The following ABCE1 variants were observed in gnomAD, a reference collection of about 807,000 sequenced individuals.
ABCE1 encodes the protein ATP binding cassette subfamily E member 1, also known as ATP-binding cassette sub-family E member 1.
ABCE1 carries 22 observed loss-of-function variants against 83.4 expected under a neutral mutation model. The ratio of observed to expected loss-of-function variants is 0.26; its 90% CI spans 0.19 to 0.38. The LOEUF (loss-of-function observed/expected upper bound fraction) is 0.38, where lower values mean the gene tolerates loss of function less well. Ranked by LOEUF, ABCE1 falls within the 10% of genes least tolerant of loss-of-function variation. The pLI is 1.00. For missense variants in ABCE1, 330 were observed against 721.9 expected (o/e 0.46, Z 6.22); for synonymous variants, 204 against 233.7 (o/e 0.87, Z 1.16).
rs192725370 is a variant in ABCE1, at chr4:145,128,147, T to A, written c.*574T>A. On this transcript the variant is annotated 3_prime_UTR_variant, in exon 18 of 18. Transcript: ENST00000296577. ...CCACTGTTGGAAAAATAGGTATTTTTAAATTGTTTTTAATCTTTTTTGGTG... is the reference window on the plus strand; with the variant it reads ...CCACTGTTGGAAAAATAGGTATTTTAAAATTGTTTTTAATCTTTTTTGGTG... The A allele has an allele frequency of 1.1e-3, 175 of 152,760 alleles. 1 individual carries two copies. The highest frequency in any genetic ancestry group is 1.0e-3 in the Non-Finnish European group (70 of 68,026). 9.5% of individuals were successfully genotyped at this position (152,760 alleles called of 1,614,324 possible).
At chr4:145,117,159 T>C in intron 9 of ABCE1, 134 bp from the exon 10 acceptor site, 1 of 701,666 alleles carries the variant, frequency 1.4e-6, no homozygotes, top group Non-Finnish European at 2.1e-6. Flanking sequence ...TGAGCCTTAC[T>C]AAAAATGTTT....
In ABCE1 at chr4:145,105,496, G is replaced by A. The variant is rs1010732705; in HGVS notation, c.104-109G>A. 8.4e-6 allele frequency: 6 copies of A among 710,254 alleles called. No homozygotes were observed. The South Asian group carries it at 1.2e-4, about 14-fold the overall frequency. 44.0% of individuals were successfully genotyped at this position (710,254 alleles called of 1,614,324 possible). On this transcript the variant is annotated intron_variant, in intron 2 of 17. Transcript: ENST00000296577. ...ATTTCTTTGTGTGGCCTTTGTTTTT[G>A]AAAATCTGCTTCTGTATGGAAATTT...
chr4:145,110,751 T>C (rs2126704781), intron 7 of ABCE1: 1 of 540,762 alleles, frequency 1.8e-6, no homozygotes, highest in Non-Finnish European at 3.2e-6. Flanking sequence ...CGTGAGCCAC[T>C]GCGCCCGGCC....
intron 7 of ABCE1, 157 bp from the exon 8 acceptor site, chr4:145,110,811 A>C: frequency 1.7e-6 from 1 of 585,798 alleles, no homozygotes; most frequent in Non-Finnish European, 3.0e-6. Flanking sequence ...ATGAAAGTAC[A>C]CATCTTTATG....
chr4:145,112,340 T>A lies in ABCE1; in HGVS notation c.800+12T>A. Reference sequence around the variant, plus strand: ...ATAAATCCAGATAGGTAAGTAGAGATCTGGCATATTACTGTGTTGTTTTGT... The same window carrying A: ...ATAAATCCAGATAGGTAAGTAGAGAACTGGCATATTACTGTGTTGTTTTGT... On this transcript the variant is annotated intron_variant, in intron 9 of 17. Coordinates refer to ENST00000296577, the MANE Select transcript of ABCE1 (RefSeq NM_002940.3). The A allele has an allele frequency of 6.6e-7, 1 of 1,506,658 alleles. No homozygotes were observed. The highest frequency in any genetic ancestry group is 2.3e-5 in the East Asian group (1 of 44,260). 93.3% of individuals were successfully genotyped at this position (1,506,658 alleles called of 1,614,324 possible). A position where few individuals can be genotyped will look rare whatever the true frequency, so the allele number is the denominator to read the frequency against.
At chr4:145,108,156 A>G in intron 4 of ABCE1, 44 bp downstream of exon 4, 1 of 1,554,954 alleles carries the variant, frequency 6.4e-7, no homozygotes. Context: ...AGTTAAGAGT[A>G]AAATACATTT....
chr4:145,103,558 T>G (rs1230147505), intron 1 of ABCE1, among the ~76,000 whole-genome samples: 1 of 152,198 alleles, frequency 6.6e-6, no homozygotes, highest in African/African-American at 2.4e-5. Flanking sequence ...AGTTATTTGG[T>G]CTCCTTTTAA....
intron 7 of ABCE1, 30 bp from the exon 8 acceptor site, chr4:145,110,938 T>C (rs916075122): frequency 1.3e-6 from 2 of 1,482,874 alleles, no homozygotes; most frequent in Non-Finnish European, 1.9e-6. Flanking sequence ...GTGAAATACA[T>C]TGAGCACAAT....
chr4:145,126,886 C>T (rs888109408), intron 17 of ABCE1, among the ~76,000 whole-genome samples: 2 of 151,992 alleles, frequency 1.3e-5, no homozygotes, highest in African/African-American at 4.8e-5. Flanking sequence ...GTTAAGTTCT[C>T]ACATAAAATT....
chr4:145,123,673 T>A lies in ABCE1; in HGVS notation c.1640+73T>A, dbSNP rs545423740. 236 of 1,421,034 alleles carry A rather than the reference T, an allele frequency of 1.7e-4. No homozygotes were observed. The African/African-American group carries it at 2.7e-3, about 16-fold the overall frequency. 88.0% of individuals were successfully genotyped at this position (1,421,034 alleles called of 1,614,324 possible). ...CAGTAAATAGTAAAGTCACTCACTT[T>A]AATTTTTAAAAAATGAAAGCTAGAA... On this transcript the variant is annotated intron_variant, in intron 16 of 17. Coordinates refer to ENST00000296577, the MANE Select transcript of ABCE1 (RefSeq NM_002940.3).
intron 16 of ABCE1, among the ~76,000 whole-genome samples, chr4:145,124,613 T>C (rs1749827718): frequency 6.6e-6 from 1 of 152,128 alleles, no homozygotes; most frequent in African/African-American, 2.4e-5. Flanking sequence ...AACAAATTTT[T>C]CATATAAATA....
intron 9 of ABCE1, among the ~76,000 whole-genome samples, chr4:145,115,748 AG>A (rs1405503893): frequency 6.6e-6 from 1 of 151,960 alleles, no homozygotes; most frequent in Non-Finnish European, 1.5e-5. Context: ...AATTGTAGAA[AG>A]TTCTGGACAG....
At chr4:145,120,886 C>G in intron 11 of ABCE1, 1 of 311,352 alleles carries the variant, frequency 3.2e-6, no homozygotes. Context: ...GATAATTTAG[C>G]TAAGTAGATC....
At chr4:145,106,129 C>T (rs934953718) in intron 3 of ABCE1, among the ~76,000 whole-genome samples, 3 of 151,832 alleles carry the variant, frequency 2.0e-5, no homozygotes, top group African/African-American at 7.3e-5. Flanking sequence ...CTTAAAATAG[C>T]TCAATTATTA....
At chr4:145,120,988 CT>C (rs759237020) in intron 11 of ABCE1, 185 bp from the exon 12 acceptor site, 317 of 576,420 alleles carry the variant, frequency 5.5e-4, no homozygotes, top group Admixed American at 1.2e-3. Flanking sequence ...TCTTAATTAC[CT>C]TAGAATGACA....
At chr4:145,109,015 T>C in intron 4 of ABCE1, 117 bp from the exon 5 acceptor site, 1 of 713,880 alleles carries the variant, frequency 1.4e-6, no homozygotes, top group Non-Finnish European at 2.4e-6. Flanking sequence ...ATATGTTTCT[T>C]AGCTTATTAA....
intron 1 of ABCE1, among the ~76,000 whole-genome samples, chr4:145,102,019 A>G (rs550069979): frequency 6.6e-5 from 10 of 152,308 alleles, no homozygotes; most frequent in African/African-American, 2.4e-4. Flanking sequence ...TGCATTTAGA[A>G]GCCTGGGAGA....
intron 11 of ABCE1, 24 bp from the exon 12 acceptor site, chr4:145,121,150 A>G (rs764918757): frequency 1.9e-6 from 3 of 1,611,588 alleles, no homozygotes; most frequent in African/African-American, 1.3e-5. Flanking sequence ...TTTCAGATCA[A>G]ACTGTCATAT....
At chr4:145,113,949 A>T (rs1749548033) in intron 9 of ABCE1, among the ~76,000 whole-genome samples, 1 of 152,144 alleles carries the variant, frequency 6.6e-6, no homozygotes, top group African/African-American at 2.4e-5. Context: ...TGAGGAAACT[A>T]TTTACATATA....
Sources: gnomAD v4.1 joint callset for allele counts (sites outside exome capture counted in the v4.1 genomes callset) on GRCh38, gnomAD v4.1.1 for gene constraint, MANE v1.5 for transcripts, NCBI Gene and HGNC (gene_info 2026-07-23, HGNC 2026-07-21) for gene names.